MTSS2: variants seen among roughly 807,000 people sequenced by gnomAD.
MTSS2 encodes MTSS I-BAR domain containing 2.
MTSS2 carries 27 observed loss-of-function variants against 67.1 expected under a neutral mutation model. The ratio of observed to expected loss-of-function variants is 0.40; its 90% CI spans 0.30 to 0.55. The LOEUF is 0.55. MTSS2 is among the 20% of genes least tolerant of loss of function. The pLI is 0.43. For missense variants in MTSS2, 1,171 were observed against 1,067.8 expected, an observed-to-expected ratio of 1.10 and a Z score of -1.35; for synonymous variants, 624 against 468.6, an observed-to-expected ratio of 1.33 and a Z score of -4.28.
chr16:70,665,270 G>A, intron 12 of MTSS2, 174 bp from the exon 13 acceptor site: 1 of 934,238 alleles, frequency 1.1e-6, no homozygotes, highest in Non-Finnish European at 1.6e-6. Flanking sequence ...GTCCCACCAG[G>A]CCCAGGGGTA....
chr16:70,663,886 C>G lies in MTSS2; in HGVS notation c.2035G>C (p.Gly679Arg). ...ANRHSLVEKL[G>R]ELVAGAHALG... is the part of the protein sequence containing the mutation. Reference sequence around the variant, plus strand: ...GCGTGGGCACCCGCCACCAGCTCCCCCAGCTTCTCCACCAGGCTGTGCCGG... The same window carrying G: ...GCGTGGGCACCCGCCACCAGCTCCCGCAGCTTCTCCACCAGGCTGTGCCGG... The change falls in exon 15 of 15, where the codon GGG becomes CGG. Residue 679 changes from glycine (G) to arginine (R), a missense_variant. Coordinates refer to ENST00000338779, the MANE Select transcript of MTSS2 (RefSeq NM_138383.3). The G allele has an allele frequency of 6.5e-7, 1 of 1,546,924 alleles. No homozygotes were observed.
At position 70,676,969 on chromosome 16, in the gene MTSS2, C is replaced by A; in HGVS notation, c.742G>T (p.Asp248Tyr). ...LPPASEQVIK[D>Y]LKGSDYSWSY... is the part of the protein sequence containing the mutation. Reference sequence around the variant, plus strand: ...CAGCTGTAGTCCGAGCCCTTTAGGTCTTTGATTACCTGGACAGGGACATGG... The same window carrying A: ...CAGCTGTAGTCCGAGCCCTTTAGGTATTTGATTACCTGGACAGGGACATGG... The change falls in exon 10 of 15, where the codon GAC becomes TAC. Residue 248 changes from aspartate (D) to tyrosine (Y), a missense_variant. Around this residue, in one of 2 missense-constraint regions of MTSS2, gnomAD observed 924 missense variants for 756.0 expected, o/e 1.22. Transcript: ENST00000338779. 1 of 1,613,262 alleles carries A rather than the reference C, an allele frequency of 6.2e-7. No individual in the cohort carries two copies. Among genetic ancestry groups the A allele is most frequent in the African/African-American group, 1.3e-5 (1 of 74,770 alleles).
In MTSS2 at chr16:70,663,687, CG is replaced by C; in HGVS notation, c.2233del (p.Arg745AlafsTer23). 1 of 1,582,814 alleles carries C rather than the reference CG, an allele frequency of 6.3e-7. No homozygotes were observed. Among genetic ancestry groups the C allele is most frequent in the Admixed American group, 1.8e-5 (1 of 56,018 alleles). ...RTVTNDRSAP[R>X]IL The stretch of plus-strand genomic sequence containing the variant: ...GGGAGGGTGGCGCCATCATAAGATG[CG>C]GGGCGCCGACCTGTCGTTGGTGACG... On this transcript the variant is annotated frameshift_variant, in exon 15 of 15. Transcript: ENST00000338779. LOFTEE classifies it high-confidence loss of function.
chr16:70,684,810 G>A (rs1049794032), intron 1 of MTSS2, among the ~76,000 whole-genome samples: 5 of 152,202 alleles, frequency 3.3e-5, no homozygotes, highest in East Asian at 1.9e-4. Flanking sequence ...CCTAGTCAGC[G>A]TAGGGCAGCC....
chr16:70,661,507 A>ATATT lies in MTSS2; in HGVS notation c.*2166_*2169dup, dbSNP rs1555507245. ...CAGTCAAAAGACGCTTTTGAAAAGAATATTTCTCCGTACAAAATGAGAAAT... is the reference window on the plus strand; with the variant it reads ...CAGTCAAAAGACGCTTTTGAAAAGAATATTTATTTCTCCGTACAAAATGAGAAAT... On this transcript the variant is annotated 3_prime_UTR_variant, in exon 15 of 15. Coordinates refer to ENST00000338779, the MANE Select transcript of MTSS2 (RefSeq NM_138383.3). The ATATT allele has an allele frequency of 8.6e-6, 3 of 350,342 alleles. No homozygotes were observed. Among genetic ancestry groups the ATATT allele is most frequent in the East Asian group, 7.9e-5 (1 of 12,580 alleles). The allele number at this position is 350,342 out of a possible 1,614,324, so 21.7% of individuals were successfully genotyped here.
Position 70,663,653 on chromosome 16 carries a change from G to C in MTSS2, c.*24C>G. On this transcript the variant is annotated 3_prime_UTR_variant, in exon 15 of 15. Transcript: ENST00000338779. Reference sequence around the variant, plus strand: ...AGGCCACCTGCTCGCACTGGGGCCTGAGAGGATGGGGAGGGTGGCGCCATC... The same window carrying C: ...AGGCCACCTGCTCGCACTGGGGCCTCAGAGGATGGGGAGGGTGGCGCCATC... 6.4e-7 allele frequency: 1 copy of C among 1,550,768 alleles called. No homozygotes were observed. The highest frequency in any genetic ancestry group is 8.7e-7 in the Non-Finnish European group (1 of 1,148,978).
chr16:70,665,302 G>C, intron 12 of MTSS2, 164 bp downstream of exon 12: 1 of 930,354 alleles, frequency 1.1e-6, no homozygotes, highest in Non-Finnish European at 1.6e-6. Flanking sequence ...TGTGGGCAGT[G>C]ACTGTAGGAA....
rs774420052 is a variant in MTSS2 at position 70,663,726 on chromosome 16, C to T, written c.2195G>A (p.Arg732Gln). 1.3e-4 allele frequency: 206 copies of T among 1,581,884 alleles called. No homozygotes were observed. The highest frequency in any genetic ancestry group is 4.3e-5 in the Non-Finnish European group (50 of 1,166,188). The stretch of plus-strand genomic sequence containing the variant: ...GTCGTTGGTGACGGTCCTGCGGAGC[C>T]GGACCCCACGCCGGATGGCCACCAG... ...DMLVAIRRGV[R>Q]LRRTVTNDRS... Residue 732 changes from arginine to glutamine, a missense_variant, in exon 15 of 15, where the codon CGG (arginine) becomes CAG (glutamine). Physicochemically the swap from Arg to Gln is conservative, Grantham distance 43 (BLOSUM62 1). Transcript: ENST00000338779.
intron 3 of MTSS2, 67 bp from the exon 4 acceptor site, chr16:70,680,122 G>T: frequency 8.6e-7 from 1 of 1,161,592 alleles, no homozygotes; most frequent in Non-Finnish European, 1.1e-6. Context: ...CTCGGGCCAG[G>T]AGGGGGCGCC....
At chr16:70,675,228 G>A (rs879492278) in intron 10 of MTSS2, among the ~76,000 whole-genome samples, 4 of 152,036 alleles carry the variant, frequency 2.6e-5, no homozygotes, top group Non-Finnish European at 4.4e-5. Flanking sequence ...TTTGAGACCA[G>A]CCTGGGCAAT....
At chr16:70,671,013 T>G (rs925218006) in intron 11 of MTSS2, among the ~76,000 whole-genome samples, 1 of 144,402 alleles carries the variant, frequency 6.9e-6, no homozygotes, top group African/African-American at 2.6e-5. Flanking sequence ...GTAGTCAGGA[T>G]AGCAGTTACC....
At chr16:70,666,891 A>G (rs1326593321) in intron 11 of MTSS2, among the ~76,000 whole-genome samples, 1 of 152,258 alleles carries the variant, frequency 6.6e-6, no homozygotes, top group Non-Finnish European at 1.5e-5. Context: ...AAAGACAAGG[A>G]TGCCCACTGT....
At chr16:70,680,917 G>GGGGCCCCC in intron 2 of MTSS2, 47 bp downstream of exon 2, 1 of 1,168,118 alleles carries the variant, frequency 8.6e-7, no homozygotes, top group Non-Finnish European at 1.2e-6. Flanking sequence ...GCGGGGGGGG[G>GGGGCCCCC]GCCTCTGCCT....
At chr16:70,684,139 G>C (rs554347632) in intron 1 of MTSS2, among the ~76,000 whole-genome samples, 1 of 152,298 alleles carries the variant, frequency 6.6e-6, no homozygotes, top group East Asian at 1.9e-4. Context: ...TCTCTGCAGT[G>C]GTTGCTATGA....
chr16:70,677,617 G>C (rs557268571), intron 9 of MTSS2, among the ~76,000 whole-genome samples, 175 bp downstream of exon 9: 1 of 152,152 alleles, frequency 6.6e-6, no homozygotes, highest in South Asian at 2.1e-4. Flanking sequence ...TACCCTCCCC[G>C]ACCTGGGCAG....
intron 2 of MTSS2, 47 bp downstream of exon 2, chr16:70,680,917 G>GGCCCCC: frequency 8.6e-7 from 1 of 1,168,240 alleles, no homozygotes; most frequent in Non-Finnish European, 1.2e-6. Flanking sequence ...GCGGGGGGGG[G>GGCCCCC]GCCTCTGCCT....
At chr16:70,678,776 A>G (rs1160217071) in intron 7 of MTSS2, among the ~76,000 whole-genome samples, 1 of 151,950 alleles carries the variant, frequency 6.6e-6, no homozygotes. Context: ...AGGTCCAGGG[A>G]GGTGGGGCAG....
In MTSS2 at chr16:70,680,072, G is replaced by C. The variant is rs754236676; in HGVS notation, c.206-17C>G. On this transcript the variant is annotated splice_polypyrimidine_tract_variant and intron_variant, in intron 3 of 14. Coordinates refer to ENST00000338779, the MANE Select transcript of MTSS2 (RefSeq NM_138383.3). The stretch of plus-strand genomic sequence containing the variant: ...TCGTGGCCCCTGGCGAGGCAAGCGC[G>C]GGGTGGGAAGGGGCCCGCTGGGGCC... 21 of 1,483,332 alleles carry C rather than the reference G, an allele frequency of 1.4e-5. No homozygotes were observed. Among genetic ancestry groups the C allele is most frequent in the African/African-American group, 2.9e-5 (2 of 68,522 alleles). The allele number at this position is 1,483,332 out of a possible 1,614,324, so 91.9% of individuals were successfully genotyped here.
intron 11 of MTSS2, among the ~76,000 whole-genome samples, chr16:70,671,233 C>T (rs2052925482): frequency 6.6e-6 from 1 of 151,542 alleles, no homozygotes; most frequent in Non-Finnish European, 1.5e-5. Context: ...CAAAACCCCG[C>T]CTCTGCTAAA....
Sources: allele counts gnomAD v4.1 joint callset (sites outside exome capture counted in the v4.1 genomes callset), GRCh38; gene constraint gnomAD v4.1.1; regional missense constraint gnomAD v4.1.1; transcripts MANE v1.5; gene names NCBI Gene and HGNC (gene_info 2026-07-23, HGNC 2026-07-21).